CEP290: variants seen among roughly 807,000 people sequenced by gnomAD.
The protein encoded by CEP290 is centrosomal protein of 290 kDa.
A neutral mutation model predicts 344.9 loss-of-function variants in CEP290; 317 were observed. That is an observed-to-expected ratio of 0.92 (90% CI 0.84 to 1.01). The LOEUF is 1.01. Among genes scored for constraint, CEP290 ranks in the 50% least tolerant of loss-of-function variants. The pLI is 0.00. For missense variants in CEP290, 2,754 were observed against 2,761.4 expected, an observed-to-expected ratio of 1.00 and a Z score of 0.06; for synonymous variants, 932 against 895.8, an observed-to-expected ratio of 1.04 and a Z score of -0.72.
At chr12:88,135,283 C>G (rs1053957292) in intron 6 of CEP290, among the ~76,000 whole-genome samples, 4 of 152,086 alleles carry the variant, frequency 2.6e-5, no homozygotes, top group Admixed American at 6.6e-5. Context: ...CAAGTTTTCT[C>G]TGTGTGTGAC....
At chr12:88,070,850 A>G (rs1565810831) in intron 43 of CEP290, among the ~76,000 whole-genome samples, 1 of 152,138 alleles carries the variant, frequency 6.6e-6, no homozygotes, top group Non-Finnish European at 1.5e-5. Context: ...CTGCAAATGT[A>G]TGGATCGATC....
intron 6 of CEP290, among the ~76,000 whole-genome samples, chr12:88,131,466 T>G (rs960196304): frequency 5.9e-5 from 9 of 152,194 alleles, no homozygotes; most frequent in African/African-American, 2.2e-4. Flanking sequence ...TTTCACTGTG[T>G]TAGCCAGGCT....
intron 52 of CEP290, chr12:88,051,899 C>T (rs2033577682): frequency 6.6e-6 from 1 of 152,056 alleles, no homozygotes; most frequent in Non-Finnish European, 1.5e-5. Context: ...TTTTAGTTAC[C>T]AAGACGTAGC....
intron 46 of CEP290, 47 bp downstream of exon 46, chr12:88,062,645 T>A (rs2034566570): frequency 2.4e-6 from 3 of 1,259,976 alleles, no homozygotes; most frequent in Non-Finnish European, 3.4e-6. Flanking sequence ...CATTTCTGGC[T>A]TATCACTGCT....
chr12:88,055,511 A>T, intron 50 of CEP290, 65 bp downstream of exon 50: 3 of 1,404,538 alleles, frequency 2.1e-6, no homozygotes, highest in Non-Finnish European at 2.9e-6. Context: ...ATATAAGACA[A>T]TGCAAGGAAC....
chr12:88,124,186 G>A (rs1381148418), intron 13 of CEP290, among the ~76,000 whole-genome samples: 2 of 151,992 alleles, frequency 1.3e-5, no homozygotes, highest in East Asian at 1.9e-4. Flanking sequence ...TCACTTAAAA[G>A]CCAAGTCTGC....
At chr12:88,088,916 G>T in intron 31 of CEP290, 116 bp downstream of exon 31, 1 of 626,368 alleles carries the variant, frequency 1.6e-6, no homozygotes. Flanking sequence ...GGAGGCTGAG[G>T]CTAGAGAGTC....
chr12:88,102,675 A>G (rs1381754634), intron 26 of CEP290, among the ~76,000 whole-genome samples, 163 bp downstream of exon 26: 1 of 152,122 alleles, frequency 6.6e-6, no homozygotes, highest in Non-Finnish European at 1.5e-5. Flanking sequence ...TGGGAACAAA[A>G]TATTTATAAC....
chr12:88,131,109 G>A, intron 7 of CEP290, 56 bp downstream of exon 7: 5 of 1,280,822 alleles, frequency 3.9e-6, no homozygotes, highest in Non-Finnish European at 5.3e-6. Flanking sequence ...GTAAACTTAG[G>A]TACTTATTTT....
At position 88,055,698 on chromosome 12, in the gene CEP290, T is replaced by A; in HGVS notation, c.6838A>T (p.Lys2280Ter). The change falls in exon 50 of 54, where the codon AAA becomes TAA. Residue 2280 changes from lysine to a stop codon, truncating the protein, a stop_gained. Transcript: ENST00000552810. LOFTEE classifies it high-confidence loss of function. ...VVTRMYETKL[K>*]ELETDIAKKN... ...TTGGCAATATCAGTTTCCAATTCTT[T>A]TAACTTGGTTTCATACATTCTAAAA... The A allele has an allele frequency of 6.5e-7, 1 of 1,532,024 alleles. No homozygotes were observed. The allele number at this position is 1,532,024 out of a possible 1,614,324, so 94.9% of individuals were successfully genotyped here.
intron 6 of CEP290, among the ~76,000 whole-genome samples, chr12:88,135,493 T>C (rs2040307549): frequency 6.6e-6 from 1 of 152,078 alleles, no homozygotes; most frequent in South Asian, 2.1e-4. Context: ...AAAATCCACA[T>C]GTCTGCTATG....
chr12:88,055,715 A>G lies in CEP290; in HGVS notation c.6821T>C (p.Met2274Thr). ...CAATTCTTTTAACTTGGTTTCATAC[A>G]TTCTAAAAGTATAAGGAAAAAAAGT... ...KSWKSIVVTRMYETKLKELET... is the reference protein window; with the variant it reads ...KSWKSIVVTRTYETKLKELET... The change falls in exon 50 of 54, where the codon ATG (methionine) becomes ACG (threonine). Residue 2274 changes from methionine (M) to threonine (T), a missense_variant and splice_region_variant. Physicochemically the swap from Met to Thr is moderately conservative, Grantham distance 81. Transcript: ENST00000552810. 1.3e-6 allele frequency: 2 copies of G among 1,504,590 alleles called. No individual in the cohort carries two copies. Among genetic ancestry groups the G allele is most frequent in the Non-Finnish European group, 1.8e-6 (2 of 1,121,904 alleles). 93.2% of individuals were successfully genotyped at this position (1,504,590 alleles called of 1,614,324 possible). A position where few individuals can be genotyped will look rare whatever the true frequency, so the allele number is the denominator to read the frequency against.
chr12:88,058,708 A>C (rs1465086304), intron 49 of CEP290, 140 bp downstream of exon 49: 2 of 833,114 alleles, frequency 2.4e-6, no homozygotes, highest in Admixed American at 5.7e-5. Context: ...ACAACAGAAA[A>C]AAAGTATTAT....
At position 88,087,738 on chromosome 12, in the gene CEP290, A is replaced by AC; in HGVS notation, c.4194+41_4194+42insG. 6 of 829,222 alleles carry AC rather than the reference A, an allele frequency of 7.2e-6. No homozygotes were observed. In the East Asian group the frequency reaches 1.5e-4, roughly 20 times the overall value. 51.4% of individuals were successfully genotyped at this position (829,222 alleles called of 1,614,324 possible). A position where few individuals can be genotyped will look rare whatever the true frequency, so the allele number is the denominator to read the frequency against. On this transcript the variant is annotated intron_variant, in intron 32 of 53. Transcript: ENST00000552810. The stretch of plus-strand genomic sequence containing the variant: ...CCATCTCAAAAAAAAAAAAAAAAAA[A>AC]AAAAACTTAGGGAAAAAAATGAAAT...
At chr12:88,116,055 G>A in intron 18 of CEP290, 2 of 985,236 alleles carry the variant, frequency 2.0e-6, no homozygotes, top group African/African-American at 3.5e-5. Context: ...ACAAAATATT[G>A]CAGATTTTTG....
intron 35 of CEP290, 23 bp from the exon 36 acceptor site, chr12:88,083,977 T>C: frequency 1.4e-6 from 2 of 1,404,416 alleles, no homozygotes; most frequent in Non-Finnish European, 2.0e-6. Context: ...AAATCGAAAC[T>C]ATATCTTAAA....
chr12:88,084,741 T>A lies in CEP290; in HGVS notation c.4549A>T (p.Lys1517Ter). 6.2e-7 allele frequency: 1 copy of A among 1,613,766 alleles called. No individual in the cohort carries two copies. Among genetic ancestry groups the A allele is most frequent in the Non-Finnish European group, 8.5e-7 (1 of 1,179,730 alleles). Reference sequence around the variant, plus strand: ...TTTCTGCCTAGCTCAGCTATGAGCTTTTCTCTTTCTGCAGTGGCAGGCAAT... The same window carrying A: ...TTTCTGCCTAGCTCAGCTATGAGCTATTCTCTTTCTGCAGTGGCAGGCAAT... ...LRLPATAERE[K>*]LIAELGRKEM... Residue 1517 changes from lysine to a stop codon, truncating the protein, a stop_gained, in exon 35 of 54, where the codon AAG becomes TAG. Coordinates refer to ENST00000552810, the MANE Select transcript of CEP290 (RefSeq NM_025114.4). LOFTEE classifies it high-confidence loss of function.
chr12:88,134,801 T>G (rs1231863903), intron 6 of CEP290, among the ~76,000 whole-genome samples: 1 of 152,196 alleles, frequency 6.6e-6, no homozygotes, highest in Non-Finnish European at 1.5e-5. Context: ...TCACTTATAT[T>G]TCAGTCAAAA....
chr12:88,092,591 T>G, intron 29 of CEP290, 90 bp downstream of exon 29: 1 of 1,124,798 alleles, frequency 8.9e-7, no homozygotes, highest in African/African-American at 1.6e-5. Flanking sequence ...CAATTACTAC[T>G]AAGAATTGTA....
Sources: gnomAD v4.1 joint callset for allele counts (sites outside exome capture counted in the v4.1 genomes callset) on GRCh38, gnomAD v4.1.1 for gene constraint, MANE v1.5 for transcripts, NCBI Gene and HGNC (gene_info 2026-07-23, HGNC 2026-07-21) for gene names.